AK5: variants seen among roughly 807,000 people sequenced by gnomAD.
AK5 encodes the protein adenylate kinase 5.
A neutral mutation model predicts 69.5 loss-of-function variants in AK5; 27 were observed. That is an observed-to-expected ratio of 0.39 (90% CI 0.29 to 0.54). The LOEUF (loss-of-function observed/expected upper bound fraction) is 0.54, where lower values mean the gene tolerates loss of function less well. Ranked by LOEUF, AK5 falls within the 20% of genes least tolerant of loss-of-function variation. The pLI is 0.71. For missense variants in AK5, 531 were observed against 700.4 expected (o/e 0.76, Z 2.73); for synonymous variants, 260 against 244.4 (o/e 1.06, Z -0.60).
intron 8 of AK5, among the ~76,000 whole-genome samples, chr1:77,418,816 A>G (rs1353802507): frequency 1.3e-5 from 2 of 152,210 alleles, no homozygotes; most frequent in Non-Finnish European, 2.9e-5. Flanking sequence ...GGCTGGCTGT[A>G]TATTTCATAT....
intron 2 of AK5, among the ~76,000 whole-genome samples, chr1:77,290,849 C>A (rs1461201825): frequency 2.6e-5 from 4 of 152,146 alleles, no homozygotes; most frequent in Admixed American, 6.5e-5. Flanking sequence ...ACAGACATGG[C>A]ACCTTCCTTT....
At chr1:77,428,035 C>G (rs2100604336) in intron 8 of AK5, among the ~76,000 whole-genome samples, 1 of 152,316 alleles carries the variant, frequency 6.6e-6, no homozygotes, top group South Asian at 2.1e-4. Context: ...GGCCACATCT[C>G]CAACAGGGGA....
chr1:77,301,220 C>T (rs944699588), intron 5 of AK5, among the ~76,000 whole-genome samples: 1 of 152,180 alleles, frequency 6.6e-6, no homozygotes, highest in Non-Finnish European at 1.5e-5. Context: ...TGGTTCCTCC[C>T]AGGTTTTTCT....
At chr1:77,323,450 A>G (rs1660636763) in intron 5 of AK5, among the ~76,000 whole-genome samples, 1 of 152,270 alleles carries the variant, frequency 6.6e-6, no homozygotes, top group South Asian at 2.1e-4. Flanking sequence ...TAAAAGTACC[A>G]TAAACATTAG....
chr1:77,333,678 G>T (rs1370275424), intron 5 of AK5, among the ~76,000 whole-genome samples: 1 of 152,006 alleles, frequency 6.6e-6, no homozygotes, highest in Non-Finnish European at 1.5e-5. Context: ...AGTTTTATTG[G>T]AACACAGCCA....
At chr1:77,440,937 C>T (rs141223742) in intron 8 of AK5, among the ~76,000 whole-genome samples, 28 of 152,126 alleles carry the variant, frequency 1.8e-4, no homozygotes, top group East Asian at 9.7e-4. Context: ...TTAGTAGAGA[C>T]GGGGTTTCGC....
chr1:77,475,408 T>C (rs1408101083), intron 8 of AK5, among the ~76,000 whole-genome samples: 20 of 1,892 alleles, frequency 0.011, no homozygotes, highest in Non-Finnish European at 0.026. Context: ...AATATATATG[T>C]ATATATATAC....
chr1:77,443,290 A>C (rs1652443396), intron 8 of AK5, among the ~76,000 whole-genome samples: 2 of 152,094 alleles, frequency 1.3e-5, no homozygotes, highest in African/African-American at 4.8e-5. Flanking sequence ...TTCATTGTGT[A>C]CTGACTCGTA....
At chr1:77,447,546 GTTTTC>G (rs994196485) in intron 8 of AK5, among the ~76,000 whole-genome samples, 1 of 150,730 alleles carries the variant, frequency 6.6e-6, no homozygotes, top group Non-Finnish European at 1.5e-5. Context: ...AGTAGAGACT[GTTTTC>G]TTTTAAAAAA....
chr1:77,410,495 G>C (rs949176945), intron 6 of AK5, among the ~76,000 whole-genome samples: 1 of 152,110 alleles, frequency 6.6e-6, no homozygotes, highest in Admixed American at 6.5e-5. Flanking sequence ...GGCCAGGCTG[G>C]TCTCAAACTC....
intron 6 of AK5, among the ~76,000 whole-genome samples, chr1:77,410,009 ATTAC>A (rs1649930755): frequency 6.6e-6 from 1 of 152,166 alleles, no homozygotes; most frequent in South Asian, 2.1e-4. Context: ...TCTTTTCTGC[ATTAC>A]TTGTTTTTGT....
At chr1:77,300,752 C>G (rs1659296739) in intron 5 of AK5, among the ~76,000 whole-genome samples, 1 of 152,112 alleles carries the variant, frequency 6.6e-6, no homozygotes, top group Admixed American at 6.6e-5. Flanking sequence ...TTGCAAGTCC[C>G]AGCAACCACC....
rs1313602611 is a variant in AK5, at chr1:77,287,053, C to T, written c.173C>T (p.Thr58Ile). The T allele has an allele frequency of 1.2e-6, 2 of 1,609,278 alleles. No individual in the cohort carries two copies. Among genetic ancestry groups the T allele is most frequent in the Middle Eastern group, 1.7e-4 (1 of 6,046 alleles). The change falls in exon 2 of 14, where the codon ACA becomes ATA. Residue 58 changes from threonine (T) to isoleucine (I), a missense_variant. Transcript: ENST00000354567. ...GGCTGTGACAAGGTGAAATGGGATA[C>T]ATTTGTAAGCCAGGAAAAGAAGACC... ...LGGCDKVKWDTFVSQEKKTLP... is the reference protein window; with the variant it reads ...LGGCDKVKWDIFVSQEKKTLP...
At chr1:77,333,884 A>C (rs1046462970) in intron 5 of AK5, among the ~76,000 whole-genome samples, 6 of 152,242 alleles carry the variant, frequency 3.9e-5, no homozygotes, top group African/African-American at 1.4e-4. Context: ...GTAAAGGTAC[A>C]ATTCCTGAAC....
intron 6 of AK5, among the ~76,000 whole-genome samples, chr1:77,401,949 G>T (rs1197487136): frequency 6.6e-6 from 1 of 152,152 alleles, no homozygotes; most frequent in Non-Finnish European, 1.5e-5. Flanking sequence ...TATATTAAAT[G>T]ACATAAAACA....
intron 7 of AK5, among the ~76,000 whole-genome samples, chr1:77,414,559 A>C (rs1650265936): frequency 6.6e-6 from 1 of 152,182 alleles, no homozygotes; most frequent in Non-Finnish European, 1.5e-5. Flanking sequence ...TTAAGGAGCC[A>C]ACCTGAAAAT....
At chr1:77,497,342 T>A (rs1185589015) in intron 10 of AK5, among the ~76,000 whole-genome samples, 1 of 151,922 alleles carries the variant, frequency 6.6e-6, no homozygotes, top group African/African-American at 2.4e-5. Flanking sequence ...TCTTCACTCC[T>A]GAAGTCAAGC....
chr1:77,282,878 A>T, intron 1 of AK5: 1 of 986,484 alleles, frequency 1.0e-6, no homozygotes. Context: ...AGGGATGAAG[A>T]TGCAAAAAGC....
At chr1:77,526,030 T>C (rs932990514) in intron 12 of AK5, among the ~76,000 whole-genome samples, 22 of 152,228 alleles carry the variant, frequency 1.4e-4, no homozygotes, top group African/African-American at 5.3e-4. Context: ...TAGATCACTT[T>C]GGGTAATATC....
Sources: allele counts gnomAD v4.1 joint callset (sites outside exome capture counted in the v4.1 genomes callset), GRCh38; gene constraint gnomAD v4.1.1; transcripts MANE v1.5; gene names NCBI Gene and HGNC (gene_info 2026-07-23, HGNC 2026-07-21).